The following VEZF1 variants were observed in gnomAD, a reference collection of about 807,000 sequenced individuals.
The protein encoded by VEZF1 is putative transcription factor DB1.
Under a neutral mutation model 44.1 loss-of-function variants are expected in VEZF1, and 5 were observed. The observed-to-expected ratio is 0.11, with a 90% CI of 0.06 to 0.24. VEZF1 has a LOEUF of 0.24. VEZF1 is among the 10% of genes least tolerant of loss of function. The probability of loss-of-function intolerance (pLI) is 1.00; values close to 1 mark genes in which losing one functional copy is unlikely to be tolerated. For synonymous variants in VEZF1, 236 were observed against 233.1 expected (o/e 1.01, Z -0.11); for missense variants, 358 against 641.8 (o/e 0.56, Z 4.78).
At chr17:57,987,427 G>A (rs2075306572) in intron 1 of VEZF1, among the ~76,000 whole-genome samples, 1 of 152,136 alleles carries the variant, frequency 6.6e-6, no homozygotes, top group African/African-American at 2.4e-5. Context: ...GTTTGGGGAG[G>A]GGATACACAC....
At chr17:57,977,044 T>C (rs114742673) in intron 5 of VEZF1, among the ~76,000 whole-genome samples, 1 of 152,198 alleles carries the variant, frequency 6.6e-6, no homozygotes, top group African/African-American at 2.4e-5. Context: ...CAACCCACTA[T>C]ACAATTATCA....
At chr17:57,978,634 G>A (rs1365002834) in intron 5 of VEZF1, among the ~76,000 whole-genome samples, 1 of 152,120 alleles carries the variant, frequency 6.6e-6, no homozygotes, top group Non-Finnish European at 1.5e-5. Flanking sequence ...TAGACTGAAG[G>A]AGATTAAGGG....
chr17:57,980,523 A>G, intron 4 of VEZF1, 80 bp downstream of exon 4: 9 of 1,384,646 alleles, frequency 6.5e-6, no homozygotes, highest in Non-Finnish European at 9.1e-6. Flanking sequence ...GTGAATATTA[A>G]TACCTTTGAT....
intron 2 of VEZF1, among the ~76,000 whole-genome samples, chr17:57,982,453 A>G (rs752109861): frequency 5.9e-5 from 9 of 152,172 alleles, no homozygotes; most frequent in Non-Finnish European, 1.2e-4. Flanking sequence ...TGCCAAATGA[A>G]AGCCTGAGTC....
At chr17:57,974,935 A>T (rs1318270224) in intron 5 of VEZF1, 35 bp from the exon 6 acceptor site, 1 of 1,564,712 alleles carries the variant, frequency 6.4e-7, no homozygotes, top group African/African-American at 1.4e-5. Flanking sequence ...TTAGATTCTC[A>T]AAACAGTGAG....
chr17:57,984,837 A>G (rs541072222), intron 1 of VEZF1, among the ~76,000 whole-genome samples: 6 of 152,234 alleles, frequency 3.9e-5, no homozygotes, highest in Non-Finnish European at 7.3e-5. Context: ...GTTTCAATTT[A>G]ATAATTTTGA....
intron 4 of VEZF1, among the ~76,000 whole-genome samples, chr17:57,979,970 C>CA (rs11359148): frequency 0.056 from 3,791 of 67,930 alleles, 180 homozygotes; most frequent in East Asian, 0.14. Flanking sequence ...GACTCCGTCT[C>CA]AAAAAAAAAA....
intron 5 of VEZF1, among the ~76,000 whole-genome samples, chr17:57,976,847 T>C (rs2075196724): frequency 1.3e-5 from 2 of 152,016 alleles, no homozygotes; most frequent in African/African-American, 4.8e-5. Context: ...ACCAATTCAC[T>C]TTAAGGTGCT....
At chr17:57,983,473 A>G in intron 1 of VEZF1, 80 bp from the exon 2 acceptor site, 1 of 1,258,866 alleles carries the variant, frequency 7.9e-7, no homozygotes. Context: ...GACAATAGAG[A>G]CCAGAAGAAA....
intron 5 of VEZF1, among the ~76,000 whole-genome samples, chr17:57,975,658 T>C (rs1460089431): frequency 6.6e-6 from 1 of 152,270 alleles, no homozygotes; most frequent in East Asian, 1.9e-4. Flanking sequence ...GTTTCTGATG[T>C]TGACACAATC....
intron 3 of VEZF1, among the ~76,000 whole-genome samples, chr17:57,981,384 T>G (rs2075248455): frequency 6.6e-6 from 1 of 152,216 alleles, no homozygotes; most frequent in South Asian, 2.1e-4. Context: ...GTTATTATAA[T>G]TGATGTCAAA....
chr17:57,982,666 T>C (rs779103268), intron 2 of VEZF1, 33 bp downstream of exon 2: 5 of 1,466,632 alleles, frequency 3.4e-6, no homozygotes, highest in Middle Eastern at 1.8e-4. Flanking sequence ...GATACCATAA[T>C]GAAGCAAAGC....
In VEZF1 at chr17:57,988,149, C is replaced by T. The variant is rs1480274619; in HGVS notation, c.-38G>A. The stretch of plus-strand genomic sequence containing the variant: ...CGACCCCCCTCCTCCCCACTCCCCC[C>T]GCTCGGGGAGCCTCCTCAGCCGGAG... On this transcript the variant is annotated 5_prime_UTR_variant, in exon 1 of 6. Coordinates refer to ENST00000581208, the MANE Select transcript of VEZF1 (RefSeq NM_007146.3). 2.9e-6 allele frequency: 2 copies of T among 679,828 alleles called. No individual in the cohort carries two copies. The highest frequency in any genetic ancestry group is 6.5e-5 in the East Asian group (1 of 15,352). 42.1% of individuals were successfully genotyped at this position (679,828 alleles called of 1,614,324 possible). A position where few individuals can be genotyped will look rare whatever the true frequency, so the allele number is the denominator to read the frequency against.
In VEZF1 at chr17:57,983,217, G is replaced by C; in HGVS notation, c.210C>G (p.Pro70=). The C allele has an allele frequency of 6.2e-7, 1 of 1,613,938 alleles. No homozygotes were observed. The highest frequency in any genetic ancestry group is 8.5e-7 in the Non-Finnish European group (1 of 1,179,956). The change falls in exon 2 of 6, where the codon CCC becomes CCG. Residue 70 remains proline, a synonymous_variant. Transcript: ENST00000581208. ...AGTAAGTGCACACAAATGAAGTTTT[G>C]GGTTTTTCTTTTTTAATCCCAATGG... ...KDAIGIKKEK[P]KTSFVCTYCS...
At chr17:57,976,436 A>G (rs2075191936) in intron 5 of VEZF1, among the ~76,000 whole-genome samples, 1 of 152,160 alleles carries the variant, frequency 6.6e-6, no homozygotes, top group African/African-American at 2.4e-5. Flanking sequence ...AACCCAACAA[A>G]ACAAAAACAA....
In VEZF1 at chr17:57,974,283, C is replaced by T; in HGVS notation, c.*190G>A. On this transcript the variant is annotated 3_prime_UTR_variant, in exon 6 of 6. Coordinates refer to ENST00000581208, the MANE Select transcript of VEZF1 (RefSeq NM_007146.3). Reference sequence around the variant, plus strand: ...AATTTCTGATTAAACTAAAGTGGTCCAGTGATAAGTTACATACACACCCTA... The same window carrying T: ...AATTTCTGATTAAACTAAAGTGGTCTAGTGATAAGTTACATACACACCCTA... The T allele has an allele frequency of 1.6e-6, 1 of 639,646 alleles. No homozygotes were observed. Among genetic ancestry groups the T allele is most frequent in the South Asian group, 2.2e-5 (1 of 44,614 alleles). The allele number at this position is 639,646 out of a possible 1,614,324, so 39.6% of individuals were successfully genotyped here.
Position 57,988,126 on chromosome 17 carries a change from AC to A in VEZF1, c.-16del, listed in dbSNP as rs1410907701. 9.6e-5 allele frequency: 74 copies of A among 774,516 alleles called. No individual in the cohort carries two copies. Among genetic ancestry groups the A allele is most frequent in the Middle Eastern group, 5.6e-4 (1 of 1,792 alleles). The allele number at this position is 774,516 out of a possible 1,614,324, so 48.0% of individuals were successfully genotyped here. ...TTGGCCTCCATGGCTGCGGCGGCCG[AC>A]CCCCCTCCTCCCCACTCCCCCCGCT... is the stretch of plus-strand genomic sequence containing the variant. On this transcript the variant is annotated 5_prime_UTR_variant, in exon 1 of 6. Coordinates refer to ENST00000581208, the MANE Select transcript of VEZF1 (RefSeq NM_007146.3).
At position 57,981,876 on chromosome 17, in the gene VEZF1, G is replaced by A. The variant is rs1410388838; in HGVS notation, c.789C>T (p.Cys263=). 6.2e-7 allele frequency: 1 copy of A among 1,613,882 alleles called. No individual in the cohort carries two copies. The highest frequency in any genetic ancestry group is 1.3e-5 in the African/African-American group (1 of 75,040). Residue 263 remains cysteine, a synonymous_variant, in exon 3 of 6, where the codon TGC becomes TGT. Coordinates refer to ENST00000581208, the MANE Select transcript of VEZF1 (RefSeq NM_007146.3). Reference sequence around the variant, plus strand: ...GATAAGTCATTTTAACTCTTACTTGGCATTTGAAGGGTCTTTCTGTTGAAT... The same window carrying A: ...GATAAGTCATTTTAACTCTTACTTGACATTTGAAGGGTCTTTCTGTTGAAT... ...HVHSTERPFK[C]QTCTAAFATK... is the part of the protein sequence containing the mutation.
intron 1 of VEZF1, among the ~76,000 whole-genome samples, chr17:57,983,680 G>A (rs1395859233): frequency 6.6e-6 from 1 of 152,074 alleles, no homozygotes; most frequent in African/African-American, 2.4e-5. Flanking sequence ...CAGACCAGCT[G>A]ATGAAATCAG....
Sources: allele counts gnomAD v4.1 joint callset (sites outside exome capture counted in the v4.1 genomes callset), GRCh38; gene constraint gnomAD v4.1.1; transcripts MANE v1.5; gene names NCBI Gene and HGNC (gene_info 2026-07-23, HGNC 2026-07-21).